Variants in SP3 observed in about 807,000 individuals in gnomAD.
SP3 encodes the protein Sp3 transcription factor.
In SP3, 10 loss-of-function variants were observed where a neutral mutation model predicts 70.3. The observed-to-expected ratio is 0.14, with a 90% CI of 0.09 to 0.24. SP3 has a LOEUF of 0.24. Ranked by LOEUF, SP3 falls within the 10% of genes least tolerant of loss-of-function variation. SP3 has a pLI of 1.00. For missense variants in SP3, 825 were observed against 914.6 expected (o/e 0.90, Z 1.26); for synonymous variants, 402 against 333.5 (o/e 1.21, Z -2.24).
At chr2:173,960,116 G>A (rs970495610) in intron 3 of SP3, among the ~76,000 whole-genome samples, 1 of 152,206 alleles carries the variant, frequency 6.6e-6, no homozygotes, top group Admixed American at 6.5e-5. Context: ...GCTGCAGTGA[G>A]TTGTAATCAC....
At chr2:173,942,338 G>C (rs752144190) in intron 4 of SP3, among the ~76,000 whole-genome samples, 6 of 152,202 alleles carry the variant, frequency 3.9e-5, no homozygotes, top group Non-Finnish European at 5.9e-5. Context: ...GGCCGAGGCA[G>C]GTGGATCACT....
At position 173,904,546 on chromosome 2, in the gene SP3, ATTTTCT is replaced by A. The variant is rs1039335874; in HGVS notation, c.*5389_*5394del. On this transcript the variant is annotated 3_prime_UTR_variant, in exon 7 of 7. Coordinates refer to ENST00000310015, the MANE Select transcript of SP3 (RefSeq NM_003111.5). ...CAAGTTATCAGGAATCAAGAAAGCC[ATTTTCT>A]TTTTCTTCTGGGGTTGAATGTCATC... Among the ~76,000 whole-genome samples the A allele has an allele frequency of 6.6e-6, 1 of 152,156 alleles. No homozygotes were observed. Among genetic ancestry groups the A allele is most frequent in the Admixed American group, 6.5e-5 (1 of 15,278 alleles).
At chr2:173,956,289 A>G in intron 3 of SP3, 57 bp from the exon 4 acceptor site, 2 of 1,503,846 alleles carry the variant, frequency 1.3e-6, no homozygotes, top group South Asian at 2.7e-5. Flanking sequence ...TCAACCCTCA[A>G]AAAATTCTAA....
At chr2:173,913,546 G>C (rs1393595020) in intron 5 of SP3, 1 of 215,512 alleles carries the variant, frequency 4.6e-6, no homozygotes, top group African/African-American at 2.3e-5. Flanking sequence ...CATATGTAAA[G>C]AATGTACAAT....
intron 4 of SP3, among the ~76,000 whole-genome samples, chr2:173,947,451 AG>A (rs1690578760): frequency 2.7e-5 from 4 of 150,458 alleles, no homozygotes; most frequent in African/African-American, 1.0e-4. Flanking sequence ...TTAAAAAAAA[AG>A]AGAGAGAAAC....
chr2:173,922,333 G>A (rs1421781243), intron 4 of SP3, among the ~76,000 whole-genome samples: 2 of 151,466 alleles, frequency 1.3e-5, no homozygotes, highest in African/African-American at 4.9e-5. Context: ...AGATGGAGTT[G>A]CCATTAACTG....
At chr2:173,964,984 G>A in intron 1 of SP3, 181 bp downstream of exon 1, 1 of 775,866 alleles carries the variant, frequency 1.3e-6, no homozygotes, top group Non-Finnish European at 2.0e-6. Context: ...TGGGGCTTCG[G>A]GGGTGGACGG....
At chr2:173,965,554 G>C, upstream of SP3, 1 of 228,362 alleles carries the variant, frequency 4.4e-6, no homozygotes. Flanking sequence ...TTCGAGAGCG[G>C]CTACGGCTCG....
intron 4 of SP3, among the ~76,000 whole-genome samples, chr2:173,949,675 G>A (rs1370291031): frequency 6.6e-6 from 1 of 152,010 alleles, no homozygotes; most frequent in African/African-American, 2.4e-5. Context: ...AGTTAAAAAA[G>A]CCTGCCTTTT....
At position 173,956,575 on chromosome 2, in the gene SP3, A is replaced by T. The variant is rs566974349; in HGVS notation, c.280-343T>A. Among the ~76,000 whole-genome samples the T allele has an allele frequency of 2.0e-5, 3 of 152,358 alleles. No individual in the cohort carries two copies. In the East Asian group the frequency reaches 5.8e-4, roughly 29 times the overall value. On this transcript the variant is annotated intron_variant, in intron 3 of 6. Transcript: ENST00000310015. ...AGATGGCTATGACCAAATCAGGTGC[A>T]TTATATTTGTGTATAAAAAGGAAAC...
Position 173,908,545 on chromosome 2 carries a change from A to T in SP3, c.*1396T>A, listed in dbSNP as rs1337634275. The T allele has an allele frequency of 6.6e-5, 10 of 152,492 alleles. No individual in the cohort carries two copies. The highest frequency in any genetic ancestry group is 1.2e-4 in the Non-Finnish European group (8 of 67,918). The allele number at this position is 152,492 out of a possible 1,614,324, so 9.4% of individuals were successfully genotyped here. On this transcript the variant is annotated 3_prime_UTR_variant, in exon 7 of 7. Transcript: ENST00000310015. Reference sequence around the variant, plus strand: ...TACAACAAACTCAAAAGAAAAAAAAATAGTGTTTTATTAACTACCACACTG... The same window carrying T: ...TACAACAAACTCAAAAGAAAAAAAATTAGTGTTTTATTAACTACCACACTG...
chr2:173,950,298 G>GC (rs373794495), intron 4 of SP3, among the ~76,000 whole-genome samples: 4 of 151,226 alleles, frequency 2.6e-5, no homozygotes, highest in African/African-American at 7.3e-5. Context: ...AAACAAAAAG[G>GC]CAAGTTCCAG....
intron 4 of SP3, among the ~76,000 whole-genome samples, chr2:173,927,749 C>T (rs963418900): frequency 2.6e-5 from 4 of 152,052 alleles, no homozygotes; most frequent in African/African-American, 9.7e-5. Flanking sequence ...ATTTGTGTAT[C>T]GCTTTAAAAA....
chr2:173,915,534 T>A (rs942384464), intron 5 of SP3: 13 of 152,182 alleles, frequency 8.5e-5, no homozygotes, highest in African/African-American at 2.2e-4. Flanking sequence ...TTGTTCCCAA[T>A]AATTTAATAA....
chr2:173,963,464 T>C (rs1266185229), intron 3 of SP3: 1 of 152,996 alleles, frequency 6.5e-6, no homozygotes, highest in Non-Finnish European at 1.5e-5. Context: ...GAAGGAGTTT[T>C]CAGCACTGAT....
Position 173,920,998 on chromosome 2 carries a change from G to A in SP3, c.1640-2213C>T, listed in dbSNP as rs533930894. Among the ~76,000 whole-genome samples, 3 of 152,218 alleles carry A rather than the reference G, an allele frequency of 2.0e-5. No homozygotes were observed. The South Asian group carries it at 6.2e-4, about 32-fold the overall frequency. On this transcript the variant is annotated intron_variant, in intron 4 of 6. Coordinates refer to ENST00000310015, the MANE Select transcript of SP3 (RefSeq NM_003111.5). ...TATGACTGAGTACAGGGAGATTTCA[G>A]GGTTGCTGGTAATATCCTATTTCTT...
chr2:173,938,889 G>T (rs191903069), intron 4 of SP3, among the ~76,000 whole-genome samples: 24 of 152,296 alleles, frequency 1.6e-4, no homozygotes, highest in Admixed American at 1.6e-3. Flanking sequence ...TTAAGGGGGA[G>T]ATGAAGAACT....
intron 5 of SP3, chr2:173,916,527 A>G (rs1397596007): frequency 1.3e-5 from 2 of 152,090 alleles, no homozygotes; most frequent in East Asian, 3.8e-4. Context: ...AATTCAAAAA[A>G]TAAATTTTAA....
At chr2:173,963,949 C>CCTTT (rs1691177465) in intron 2 of SP3, 66 bp from the exon 3 acceptor site, 1 of 1,185,920 alleles carries the variant, frequency 8.4e-7, no homozygotes, top group African/African-American at 1.6e-5. Context: ...GGTCGGGCCG[C>CCTTT]CTTTCGCACA....
Sources: gnomAD v4.1 joint callset for allele counts (sites outside exome capture counted in the v4.1 genomes callset) on GRCh38, gnomAD v4.1.1 for gene constraint, MANE v1.5 for transcripts, NCBI Gene and HGNC (gene_info 2026-07-23, HGNC 2026-07-21) for gene names.